The following TMEM47 variants were observed in gnomAD, a reference collection of about 807,000 sequenced individuals.
TMEM47 encodes transmembrane protein 47.
In TMEM47, 3 loss-of-function variants were observed where a neutral mutation model predicts 12.4. The observed-to-expected ratio is 0.24, with a 90% confidence interval of 0.11 to 0.63. The LOEUF (loss-of-function observed/expected upper bound fraction) is 0.63. TMEM47 is among the 20% of genes least tolerant of loss of function. The pLI, the probability that TMEM47 is intolerant of heterozygous loss-of-function variation, is 0.86. For synonymous variants in TMEM47, 62 were observed against 63.3 expected, an observed-to-expected ratio of 0.98 and a Z score of 0.10; for missense variants, 89 against 143.8, an observed-to-expected ratio of 0.62 and a Z score of 1.95.
chrX:34,642,047 G>A (rs182591891), intron 1 of TMEM47, among the ~76,000 whole-genome samples: 379 of 111,857 alleles, frequency 3.4e-3, no homozygotes, highest in African/African-American at 0.011. Flanking sequence ...AGTAGAGACT[G>A]GGTTTCACCA....
intron 1 of TMEM47, among the ~76,000 whole-genome samples, chrX:34,643,303 G>A (rs1252625819): frequency 1.8e-5 from 2 of 110,361 alleles, no homozygotes; most frequent in Non-Finnish European, 3.8e-5. Flanking sequence ...CTTACCATCC[G>A]AAGTCCAATA....
rs1457732738 is a variant in TMEM47 at position 34,639,232 on chromosome X, A to G, written c.367+15T>C. 8.5e-7 allele frequency: 1 copy of G among 1,175,961 alleles called. No homozygotes were observed. The highest frequency in any genetic ancestry group is 1.1e-6 in the Non-Finnish European group (1 of 876,952). On this transcript the variant is annotated intron_variant, in intron 2 of 2. Coordinates refer to ENST00000275954, the MANE Select transcript of TMEM47 (RefSeq NM_031442.4). ...GAAACTTTAATACTCATTTGAAAGT[A>G]ATGAATCTGTTTACCTGCTGCAAAA...
At position 34,656,813 on chromosome X, in the gene TMEM47, G is replaced by T. The variant is rs1473757141; in HGVS notation, c.217C>A (p.Leu73Ile). 3 of 1,166,566 alleles carry T rather than the reference G, an allele frequency of 2.6e-6. No individual in the cohort carries two copies. Among genetic ancestry groups the T allele is most frequent in the East Asian group, 6.5e-5 (2 of 30,887 alleles). ...CGCGCCAGGCCCTCACCGCTGCTGA[G>T]CGTGGACTCGCAGTGCCAGATGTCC... ...SLDIWHCEST[L>I]SSDWQIATLA... Residue 73 changes from leucine (L) to isoleucine (I), a missense_variant, in exon 1 of 3, where the codon CTC becomes ATC. Leu to Ile is a conservative substitution (Grantham distance 5). Transcript: ENST00000275954.
Position 34,638,449 on chromosome X carries a change from A to G in TMEM47, c.367+798T>C, listed in dbSNP as rs12014152. Among the ~76,000 whole-genome samples the G allele has an allele frequency of 6.6e-3, 741 of 111,691 alleles. 7 individuals carry two copies. The highest frequency in any genetic ancestry group is 0.023 in the African/African-American group (693 of 30,743). On this transcript the variant is annotated intron_variant, in intron 2 of 2. Transcript: ENST00000275954. ...CTATTCCAATCTTGAAACAGCTTTT[A>G]AAAATCCATCTAACAGCCTAGATGG... is the stretch of plus-strand genomic sequence containing the variant.
At chrX:34,643,101 A>T (rs891850815) in intron 1 of TMEM47, among the ~76,000 whole-genome samples, 1 of 111,631 alleles carries the variant, frequency 9.0e-6, no homozygotes, top group African/African-American at 3.3e-5. Context: ...TGTCCAAATA[A>T]TAGTGCCAGC....
In TMEM47 at chrX:34,653,036, C is replaced by T. The variant is rs113966296; in HGVS notation, c.226+3768G>A. Among the ~76,000 whole-genome samples the T allele has an allele frequency of 6.6e-3, 737 of 112,051 alleles. 9 individuals carry two copies. The highest frequency in any genetic ancestry group is 0.023 in the African/African-American group (702 of 30,907). On this transcript the variant is annotated intron_variant, in intron 1 of 2. Transcript: ENST00000275954. ...TATGAACAGATGAAACATGTTTGAA[C>T]TCAGAATCACTATATCTCAGATTTG...
chrX:34,630,194 C>A lies in TMEM47; in HGVS notation c.*119G>T. ...AGCCAAAAGGCAAAAAAGATTAAAT[C>A]AACTGAGCAAACTGCTTGATGCTCC... On this transcript the variant is annotated 3_prime_UTR_variant, in exon 3 of 3. Coordinates refer to ENST00000275954, the MANE Select transcript of TMEM47 (RefSeq NM_031442.4). 2.6e-6 allele frequency: 2 copies of A among 755,296 alleles called. No individual in the cohort carries two copies. Among genetic ancestry groups the A allele is most frequent in the Non-Finnish European group, 3.7e-6 (2 of 544,084 alleles). The allele number at this position is 755,296 out of a possible 1,213,427, so 62.2% of individuals were successfully genotyped here. A position where few individuals can be genotyped will look rare whatever the true frequency, so the allele number is the denominator to read the frequency against.
chrX:34,628,135 G>A lies in TMEM47; in HGVS notation c.*2178C>T, dbSNP rs1326325349. Reference sequence around the variant, plus strand: ...TAACAGTACACTGCATCCTCTACTAGGACCAAGAGAAGTGCCTCATTGGTG... The same window carrying A: ...TAACAGTACACTGCATCCTCTACTAAGACCAAGAGAAGTGCCTCATTGGTG... On this transcript the variant is annotated 3_prime_UTR_variant, in exon 3 of 3. Coordinates refer to ENST00000275954, the MANE Select transcript of TMEM47 (RefSeq NM_031442.4). 2 of 111,545 alleles carry A rather than the reference G, an allele frequency of 1.8e-5. No individual in the cohort carries two copies. The highest frequency in any genetic ancestry group is 1.9e-5 in the Non-Finnish European group (1 of 52,965). The allele number at this position is 111,545 out of a possible 1,213,427, so 9.2% of individuals were successfully genotyped here. A position where few individuals can be genotyped will look rare whatever the true frequency, so the allele number is the denominator to read the frequency against.
intron 1 of TMEM47, among the ~76,000 whole-genome samples, chrX:34,656,073 C>A (rs1239350294): frequency 9.0e-6 from 1 of 111,117 alleles, no homozygotes; most frequent in Admixed American, 9.6e-5. Flanking sequence ...CAGCTTTCAG[C>A]GCTGGCGGAA....
chrX:34,641,856 C>T (rs1480822088), intron 1 of TMEM47, among the ~76,000 whole-genome samples: 2 of 111,951 alleles, frequency 1.8e-5, no homozygotes, highest in East Asian at 5.6e-4. Flanking sequence ...CCCAATAAAA[C>T]TTATTTATTT....
intron 1 of TMEM47, among the ~76,000 whole-genome samples, chrX:34,645,401 T>C (rs1263587997): frequency 8.9e-6 from 1 of 112,110 alleles, no homozygotes; most frequent in Non-Finnish European, 1.9e-5. Context: ...CATTTCTGAG[T>C]TTGGATAGGA....
intron 2 of TMEM47, 82 bp downstream of exon 2, chrX:34,639,165 T>G: frequency 9.4e-7 from 1 of 1,058,248 alleles, no homozygotes; most frequent in East Asian, 3.4e-5. Context: ...AGCAAACACA[T>G]ACCTCTTCTG....
chrX:34,640,593 A>G (rs2147139223), intron 1 of TMEM47, among the ~76,000 whole-genome samples: 1 of 111,474 alleles, frequency 9.0e-6, no homozygotes. Context: ...AGTGCAGAAA[A>G]TGCAAATGGA....
At chrX:34,653,797 G>T (rs1922056761) in intron 1 of TMEM47, among the ~76,000 whole-genome samples, 1 of 111,905 alleles carries the variant, frequency 8.9e-6, no homozygotes, top group Admixed American at 9.5e-5. Flanking sequence ...CCCTTAGAAA[G>T]AATTCTGTGG....
Position 34,628,421 on chromosome X carries a change from G to C in TMEM47, c.*1892C>G, listed in dbSNP as rs966259698. 1 of 111,465 alleles carries C rather than the reference G, an allele frequency of 9.0e-6. No individual in the cohort carries two copies. The highest frequency in any genetic ancestry group is 1.9e-5 in the Non-Finnish European group (1 of 52,951). The allele number at this position is 111,465 out of a possible 1,213,427, so 9.2% of individuals were successfully genotyped here. A position where few individuals can be genotyped will look rare whatever the true frequency, so the allele number is the denominator to read the frequency against. Reference sequence around the variant, plus strand: ...TATAGAATCATATATTTTTATAAAGGTTTCTGTCTGTGATGTATTTATTCG... The same window carrying C: ...TATAGAATCATATATTTTTATAAAGCTTTCTGTCTGTGATGTATTTATTCG... On this transcript the variant is annotated 3_prime_UTR_variant, in exon 3 of 3. Transcript: ENST00000275954.
intron 1 of TMEM47, among the ~76,000 whole-genome samples, chrX:34,651,324 A>C (rs921466280): frequency 8.0e-5 from 9 of 111,947 alleles, no homozygotes; most frequent in African/African-American, 2.9e-4. Context: ...CTAAGACCAC[A>C]ATGCTAGAAA....
At chrX:34,641,513 A>T (rs4385612) in intron 1 of TMEM47, among the ~76,000 whole-genome samples, 2,250 of 112,132 alleles carry the variant, frequency 0.02, 46 homozygotes, top group African/African-American at 0.063. Flanking sequence ...GTGAAAGTGC[A>T]ATAGATTGTT....
Position 34,652,192 on chromosome X carries a change from A to C in TMEM47, c.226+4612T>G, listed in dbSNP as rs151203823. ...TACAATTTAGCATAGCTCACATGGA[A>C]GTTTGTTGTGGTATTTATTTATTTA... is the stretch of plus-strand genomic sequence containing the variant. On this transcript the variant is annotated intron_variant, in intron 1 of 2. Transcript: ENST00000275954. Among the ~76,000 whole-genome samples the C allele has an allele frequency of 3.7e-3, 418 of 112,048 alleles. 2 individuals are homozygous for C. Among genetic ancestry groups the C allele is most frequent in the African/African-American group, 0.013 (396 of 30,876 alleles).
chrX:34,649,506 C>T lies in TMEM47; in HGVS notation c.226+7298G>A, dbSNP rs188452709. Among the ~76,000 whole-genome samples the T allele has an allele frequency of 1.8e-3, 202 of 110,439 alleles. 1 individual carries two copies. Among genetic ancestry groups the T allele is most frequent in the African/African-American group, 6.0e-3 (182 of 30,276 alleles). Reference sequence around the variant, plus strand: ...AAGTGGGAGCTAAATCATGAGAACTCGTGAACACAAAGAAGGGAATAACAG... The same window carrying T: ...AAGTGGGAGCTAAATCATGAGAACTTGTGAACACAAAGAAGGGAATAACAG... On this transcript the variant is annotated intron_variant, in intron 1 of 2. Transcript: ENST00000275954.
Sources: gnomAD v4.1 joint callset for allele counts (sites outside exome capture counted in the v4.1 genomes callset) on GRCh38, gnomAD v4.1.1 for gene constraint, MANE v1.5 for transcripts, NCBI Gene and HGNC (gene_info 2026-07-23, HGNC 2026-07-21) for gene names.